TMIGD3: variants seen among roughly 807,000 people sequenced by gnomAD.
TMIGD3 encodes the protein AD026 protein (AD026).
TMIGD3 carries 21 observed loss-of-function variants against 28.1 expected under a neutral mutation model. The ratio of observed to expected loss-of-function variants is 0.75; its 90% CI spans 0.53 to 1.08. TMIGD3 has a LOEUF of 1.08. Ranked by LOEUF, TMIGD3 falls within the 50% of genes least tolerant of loss-of-function variation. TMIGD3 has a pLI of 0.00. For missense variants in TMIGD3, 416 were observed against 435.6 expected (o/e 0.96, Z 0.40); for synonymous variants, 151 against 162.1 (o/e 0.93, Z 0.52).
chr1:111,533,775 G>A (rs913802929), intron 1 of TMIGD3, among the ~76,000 whole-genome samples: 5 of 152,082 alleles, frequency 3.3e-5, no homozygotes, highest in East Asian at 1.9e-4. Flanking sequence ...GGCTGGTCTC[G>A]AACTCCTGAA....
rs760115496 is a variant in TMIGD3, at chr1:111,503,203, A to C, written c.152T>G (p.Ile51Ser). The C allele has an allele frequency of 8.1e-6, 13 of 1,614,150 alleles. No homozygotes were observed. Among genetic ancestry groups the C allele is most frequent in the Non-Finnish European group, 1.0e-5 (12 of 1,180,050 alleles). ...AATGTCAGCCAGGGCTAGAGAGACA[A>C]TGAAATAGAAGGTGGTGGTCTGCAG... is the stretch of plus-strand genomic sequence containing the variant. ...PSLQTTTFYF[I>S]VSLALADIAV... The change falls in exon 1 of 6, where the codon ATT becomes AGT. Residue 51 changes from isoleucine to serine, a missense_variant. Transcript: ENST00000369716.
At chr1:111,536,979 C>T (rs945699150) in intron 1 of TMIGD3, among the ~76,000 whole-genome samples, 3 of 152,244 alleles carry the variant, frequency 2.0e-5, no homozygotes, top group African/African-American at 7.2e-5. Flanking sequence ...AGGAAGTCTG[C>T]AGTTGACTGC....
intron 5 of TMIGD3, chr1:111,485,438 T>G (rs56312481): frequency 0.014 from 4,125 of 303,552 alleles, 38 homozygotes; most frequent in Middle Eastern, 0.034. Context: ...GCCCGAAGTT[T>G]GTGTGCTGGG....
At chr1:111,506,148 G>C (rs901035430), upstream of TMIGD3, among the ~76,000 whole-genome samples, 1 of 152,180 alleles carries the variant, frequency 6.6e-6, no homozygotes. Flanking sequence ...ACTGTGCTGT[G>C]TGTATATGAC....
chr1:111,536,600 G>A (rs1018542967), intron 1 of TMIGD3, among the ~76,000 whole-genome samples: 3 of 151,956 alleles, frequency 2.0e-5, no homozygotes, highest in South Asian at 2.1e-4. Context: ...CCATTTCATC[G>A]CTCATACCCG....
chr1:111,556,011 T>C (rs1309127866), intron 1 of TMIGD3, among the ~76,000 whole-genome samples: 1 of 152,232 alleles, frequency 6.6e-6, no homozygotes, highest in Non-Finnish European at 1.5e-5. Context: ...TTGTAAATCA[T>C]GTATGTGATA....
intron 1 of TMIGD3, chr1:111,500,016 G>C: frequency 6.2e-7 from 1 of 1,614,176 alleles, no homozygotes; most frequent in Non-Finnish European, 8.5e-7. Context: ...CACAAGCTTT[G>C]AGGATCAAAA....
chr1:111,548,181 T>C (rs1462093801), intron 1 of TMIGD3, among the ~76,000 whole-genome samples: 2 of 152,164 alleles, frequency 1.3e-5, no homozygotes, highest in Non-Finnish European at 2.9e-5. Flanking sequence ...CCACCACACC[T>C]GGCTAATTTT....
rs528265928 is a variant in TMIGD3 at position 111,538,275 on chromosome 1, C to T, written c.107+25571G>A. 6.1e-4 allele frequency among the ~76,000 whole-genome samples: 93 copies of T among 152,308 alleles called. 1 individual carries two copies. The highest frequency in any genetic ancestry group is 5.4e-3 in the Admixed American group (83 of 15,294). On this transcript the variant is annotated intron_variant, in intron 1 of 5. Coordinates refer to the TMIGD3 transcript ENST00000369717. ...AGAAAACCAGGTTGTACCTGGGCGA[C>T]TCCTTGCTCTCAAGTTGACCATACA...
intron 1 of TMIGD3, among the ~76,000 whole-genome samples, chr1:111,538,350 G>A (rs898430025): frequency 5.9e-5 from 9 of 152,170 alleles, no homozygotes. Flanking sequence ...CCCTCCATGT[G>A]TATACAGAAA....
chr1:111,541,216 G>T (rs1350867759), intron 1 of TMIGD3, among the ~76,000 whole-genome samples: 2 of 152,188 alleles, frequency 1.3e-5, no homozygotes, highest in Admixed American at 1.3e-4. Flanking sequence ...TGCTATAGAA[G>T]GAAAGCTTTG....
At chr1:111,508,636 G>A (rs1655592548) in intron 1 of TMIGD3, among the ~76,000 whole-genome samples, 1 of 152,204 alleles carries the variant, frequency 6.6e-6, no homozygotes, top group Non-Finnish European at 1.5e-5. Context: ...ACTCCAGAAG[G>A]TTGAGAAGCA....
chr1:111,517,779 G>A (rs1184890173), intron 1 of TMIGD3, among the ~76,000 whole-genome samples: 2 of 152,194 alleles, frequency 1.3e-5, no homozygotes, highest in East Asian at 3.8e-4. Context: ...GTGGGTTGAT[G>A]CACTTTTCTA....
intron 1 of TMIGD3, among the ~76,000 whole-genome samples, chr1:111,541,708 GAGAA>G (rs1408968936): frequency 4.0e-5 from 6 of 150,974 alleles, no homozygotes. Flanking sequence ...GAGAGAGAGA[GAGAA>G]AGTGCAGGAG....
chr1:111,489,862 T>C (rs1363366560), intron 2 of TMIGD3: 12 of 615,414 alleles, frequency 1.9e-5, no homozygotes, highest in East Asian at 1.5e-4. Flanking sequence ...TATTGCACAA[T>C]GAGGAAGTCA....
In TMIGD3 at chr1:111,485,721, C is replaced by CACAAAAAAAACAAAA; in HGVS notation, c.973+18_973+19insTTTTGTTTTTTTTGT. 1 of 1,312,122 alleles carries CACAAAAAAAACAAAA rather than the reference C, an allele frequency of 7.6e-7. No individual in the cohort carries two copies. Among genetic ancestry groups the CACAAAAAAAACAAAA allele is most frequent in the Non-Finnish European group, 1.1e-6 (1 of 921,664 alleles). 81.3% of individuals were successfully genotyped at this position (1,312,122 alleles called of 1,614,324 possible). Reference sequence around the variant, plus strand: ...TCTCTAATTCTTGCCCACCCCCTCCCTCAACAATAGCTACTTACCCCTTCT... The same window carrying CACAAAAAAAACAAAA: ...TCTCTAATTCTTGCCCACCCCCTCCCACAAAAAAAACAAAATCAACAATAGCTACTTACCCCTTCT... On this transcript the variant is annotated intron_variant, in intron 5 of 5. Coordinates refer to ENST00000369716, the MANE Select transcript of TMIGD3 (RefSeq NM_020683.7).
chr1:111,485,890 T>G (rs1295342844), intron 4 of TMIGD3, 50 bp from the exon 5 acceptor site: 1 of 1,439,414 alleles, frequency 6.9e-7, no homozygotes, highest in African/African-American at 1.4e-5. Context: ...AACTGCCTAT[T>G]GATTCTCAGC....
chr1:111,555,362 TAAAAAAAAAAAAAAAAA>T (rs397981230), intron 1 of TMIGD3, among the ~76,000 whole-genome samples: 2 of 47,652 alleles, frequency 4.2e-5, no homozygotes, highest in South Asian at 1.8e-3. Context: ...TGAGACTCTG[TAAAAAAAAAAAAAAAAA>T]AAAAAAAAAA....
At chr1:111,495,251 G>A (rs1654838067) in intron 1 of TMIGD3, among the ~76,000 whole-genome samples, 1 of 152,038 alleles carries the variant, frequency 6.6e-6, no homozygotes, top group Admixed American at 6.6e-5. Flanking sequence ...CATCTATAAG[G>A]AACTTAAACA....
Sources: allele counts gnomAD v4.1 joint callset (sites outside exome capture counted in the v4.1 genomes callset), GRCh38; gene constraint gnomAD v4.1.1; transcripts MANE v1.5; gene names NCBI Gene and HGNC (gene_info 2026-07-23, HGNC 2026-07-21).